The following RBM23 variants were observed in gnomAD, a reference collection of about 807,000 sequenced individuals.
RBM23 encodes the protein probable RNA-binding protein 23.
A neutral mutation model predicts 56.2 loss-of-function variants in RBM23; 53 were observed. The observed-to-expected ratio is 0.94, with a 90% CI of 0.76 to 1.19. The LOEUF is 1.19. Among genes scored for constraint, RBM23 ranks in the 50% most tolerant of loss-of-function variants. The pLI is 0.00. For missense variants in RBM23, 642 were observed against 590.3 expected (o/e 1.09, Z -0.91); for synonymous variants, 197 against 198.5 (o/e 0.99, Z 0.06).
In RBM23 at chr14:22,893,406, C is replaced by T. The variant is rs574290873; in HGVS notation, c.*8324G>A. The T allele has an allele frequency of 1.1e-4, 16 of 152,230 alleles. No individual in the cohort carries two copies. The highest frequency in any genetic ancestry group is 2.9e-4 in the African/African-American group (12 of 41,540). The allele number at this position is 152,230 out of a possible 1,614,324, so 9.4% of individuals were successfully genotyped here. A position where few individuals can be genotyped will look rare whatever the true frequency, so the allele number is the denominator to read the frequency against. Reference sequence around the variant, plus strand: ...ATACAAATAAGACACAATTTCTGCCCGTCAAATAGCTTGCAATTAAGCTGG... The same window carrying T: ...ATACAAATAAGACACAATTTCTGCCTGTCAAATAGCTTGCAATTAAGCTGG... On this transcript the variant is annotated 3_prime_UTR_variant, in exon 14 of 14. Transcript: ENST00000359890.
intron 5 of RBM23, 57 bp downstream of exon 5, chr14:22,906,138 T>C (rs1266961133): frequency 1.6e-5 from 26 of 1,586,918 alleles, no homozygotes; most frequent in Non-Finnish European, 2.2e-5. Flanking sequence ...TCATAGTGCA[T>C]TTGTTGTTTT....
Position 22,902,756 on chromosome 14 carries a change from C to CCTTTTTT in RBM23, c.931-375_931-374insAAAAAAG, listed in dbSNP as rs1555336814. The CCTTTTTT allele has an allele frequency of 1.1e-4, 49 of 460,878 alleles. 20 individuals carry two copies. The East Asian group carries it at 1.6e-3, about 15-fold the overall frequency. 28.5% of individuals were successfully genotyped at this position (460,878 alleles called of 1,614,324 possible). On this transcript the variant is annotated intron_variant, in intron 10 of 13. Transcript: ENST00000359890. ...GTTCTCTATCCTAGTAAGTTTTAGT[C>CCTTTTTT]TTTTTTTTTTTTTTTTTTTTTTTTT...
rs376713891 is a variant in RBM23 at position 22,911,330 on chromosome 14, C to G, written c.64G>C (p.Glu22Gln). Residue 22 changes from glutamate (E) to glutamine (Q), a missense_variant and splice_region_variant, in exon 2 of 14, where the codon GAG becomes CAG. Glu to Gln is a conservative substitution (Grantham distance 29). Coordinates refer to ENST00000359890, the MANE Select transcript of RBM23 (RefSeq NM_001077351.2). ...AGGAGTGAGGTGGAAAATATTACCT[C>G]TTCTTTTTTATAGGGAGCTTCCAGC... The part of the protein sequence containing the change: ...AMLEAPYKKE[E>Q]DEQQRKEVKK... The G allele has an allele frequency of 7.2e-5, 116 of 1,613,500 alleles. 1 individual carries two copies. In the African/African-American group the frequency reaches 1.5e-3, roughly 20 times the overall value.
In RBM23 at chr14:22,911,420, A is replaced by G; in HGVS notation, c.-10-17T>C. ...CTGTCAGATCTGGGGAGAGGATATTAATATGTAAGAATCTGTTTTATATTT... is the reference window on the plus strand; with the variant it reads ...CTGTCAGATCTGGGGAGAGGATATTGATATGTAAGAATCTGTTTTATATTT... On this transcript the variant is annotated splice_polypyrimidine_tract_variant and intron_variant, in intron 1 of 13. Transcript: ENST00000359890. 6.3e-7 allele frequency: 1 copy of G among 1,593,312 alleles called. No homozygotes were observed. The highest frequency in any genetic ancestry group is 8.6e-7 in the Non-Finnish European group (1 of 1,163,058).
intron 1 of RBM23, among the ~76,000 whole-genome samples, chr14:22,916,307 A>C (rs1301011723): frequency 1.3e-5 from 2 of 149,248 alleles, no homozygotes; most frequent in Non-Finnish European, 1.5e-5. Flanking sequence ...CCCAAGCTGG[A>C]GTGTAATGTT....
At position 22,901,704 on chromosome 14, in the gene RBM23, A is replaced by C. The variant is rs1373920916; in HGVS notation, c.*26T>G. The C allele has an allele frequency of 2.5e-6, 4 of 1,610,580 alleles. No individual in the cohort carries two copies. The Admixed American group carries it at 6.7e-5, about 27-fold the overall frequency. ...TGAAGTGGCAGGATCCAGAGGCACA[A>C]GGAGGCAGTATACTGTGCCACTGAT... is the stretch of plus-strand genomic sequence containing the variant. On this transcript the variant is annotated 3_prime_UTR_variant, in exon 14 of 14. Transcript: ENST00000359890.
chr14:22,906,437 A>T, intron 4 of RBM23, 69 bp from the exon 5 acceptor site: 2 of 1,554,630 alleles, frequency 1.3e-6, no homozygotes, highest in Non-Finnish European at 1.8e-6. Context: ...CATATACAAC[A>T]GTGGTCCCAT....
intron 2 of RBM23, 87 bp from the exon 3 acceptor site, chr14:22,909,682 G>A (rs1345060391): frequency 1.0e-6 from 1 of 981,192 alleles, no homozygotes; most frequent in African/African-American, 1.6e-5. Flanking sequence ...GGTGGACAAG[G>A]AATAAATCAA....
In RBM23 at chr14:22,906,177, A is replaced by C; in HGVS notation, c.401+18T>G. On this transcript the variant is annotated intron_variant, in intron 5 of 13. Coordinates refer to ENST00000359890, the MANE Select transcript of RBM23 (RefSeq NM_001077351.2). ...CAGATTATTATACAAAAGTGAATCTATTAGCAAAAAGTGATACCCAGTGGC... is the reference window on the plus strand; with the variant it reads ...CAGATTATTATACAAAAGTGAATCTCTTAGCAAAAAGTGATACCCAGTGGC... 2.5e-6 allele frequency: 4 copies of C among 1,612,804 alleles called. No individual in the cohort carries two copies. Among genetic ancestry groups the C allele is most frequent in the Non-Finnish European group, 3.4e-6 (4 of 1,178,888 alleles).
At chr14:22,905,845 C>CTT (rs751185800) in intron 5 of RBM23, 186 bp from the exon 6 acceptor site, 1 of 610,814 alleles carries the variant, frequency 1.6e-6, no homozygotes, top group Non-Finnish European at 2.9e-6. Flanking sequence ...GCCTCCCAGG[C>CTT]TCAAGCAATC....
Position 22,899,102 on chromosome 14 carries a change from A to G in RBM23, c.*2628T>C, listed in dbSNP as rs529387660. 5.9e-5 allele frequency: 9 copies of G among 152,322 alleles called. No homozygotes were observed. Among genetic ancestry groups the G allele is most frequent in the African/African-American group, 2.2e-4 (9 of 41,554 alleles). 9.4% of individuals were successfully genotyped at this position (152,322 alleles called of 1,614,324 possible). On this transcript the variant is annotated 3_prime_UTR_variant, in exon 14 of 14. Transcript: ENST00000359890. Reference sequence around the variant, plus strand: ...TGCTGTGGTTTGAATGTGTCCCCCAAAAGTTCACATTGGAAATTTGACTCC... The same window carrying G: ...TGCTGTGGTTTGAATGTGTCCCCCAGAAGTTCACATTGGAAATTTGACTCC...
chr14:22,905,973 T>C (rs2041471858), intron 5 of RBM23: 2 of 625,856 alleles, frequency 3.2e-6, no homozygotes, highest in Admixed American at 6.0e-5. Flanking sequence ...TGGTCTTGAA[T>C]TCCTGAGCCC....
chr14:22,918,256 G>T (rs3829408), intron 1 of RBM23, among the ~76,000 whole-genome samples: 2 of 152,158 alleles, frequency 1.3e-5, no homozygotes, highest in East Asian at 3.9e-4. Flanking sequence ...TTAGCCGGGC[G>T]TTGTGGCAGG....
rs72681969 is a variant in RBM23 at position 22,906,355 on chromosome 14, G to A, written c.241C>T (p.Arg81Trp). The change falls in exon 5 of 14, where the codon CGG becomes TGG. Residue 81 changes from arginine (R) to tryptophan (W), a missense_variant. Physicochemically the swap from Arg to Trp is moderately radical, Grantham distance 101. Transcript: ENST00000359890. ...RDRKRSRSRD[R>W]DRYRRRNSRS... ...CTATTTCTCCGTCTATACCGATCCC[G>A]ATCTCGACTACGACTACAGAGGGAA... 0.036 allele frequency: 58,593 copies of A among 1,613,976 alleles called. 1,275 individuals are homozygous for A. Among genetic ancestry groups the A allele is most frequent in the Middle Eastern group, 0.048 (293 of 6,060 alleles).
At chr14:22,917,153 C>T (rs1000989238) in intron 1 of RBM23, 1 of 152,158 alleles carries the variant, frequency 6.6e-6, no homozygotes. Context: ...CAGACATGAG[C>T]CACCGAGCCC....
chr14:22,910,690 A>G (rs2042361454), intron 2 of RBM23, among the ~76,000 whole-genome samples: 1 of 151,934 alleles, frequency 6.6e-6, no homozygotes, highest in African/African-American at 2.4e-5. Flanking sequence ...GCAACATAGC[A>G]AGACCCTGTC....
rs1437152685 is a variant in RBM23, at chr14:22,893,476, C to T, written c.*8254G>A. ...CAGCACAAAACAGGCAAAATAGCAG[C>T]AAACAATACCACATTCTATCTAACT... On this transcript the variant is annotated 3_prime_UTR_variant, in exon 14 of 14. Coordinates refer to ENST00000359890, the MANE Select transcript of RBM23 (RefSeq NM_001077351.2). 1 of 152,194 alleles carries T rather than the reference C, an allele frequency of 6.6e-6. No individual in the cohort carries two copies. The highest frequency in any genetic ancestry group is 1.5e-5 in the Non-Finnish European group (1 of 68,036). The allele number at this position is 152,194 out of a possible 1,614,324, so 9.4% of individuals were successfully genotyped here. A position where few individuals can be genotyped will look rare whatever the true frequency, so the allele number is the denominator to read the frequency against.
intron 1 of RBM23, among the ~76,000 whole-genome samples, chr14:22,915,496 CTTTT>C (rs71115587): frequency 6.5e-4 from 80 of 124,000 alleles, no homozygotes; most frequent in Non-Finnish European, 1.1e-3. Flanking sequence ...CCATGCCTGG[CTTTT>C]TTTTTTTTTT....
At chr14:22,916,798 G>A (rs941491591) in intron 1 of RBM23, among the ~76,000 whole-genome samples, 1 of 152,020 alleles carries the variant, frequency 6.6e-6, no homozygotes, top group Non-Finnish European at 1.5e-5. Flanking sequence ...CTATATCTGA[G>A]GCATGTACAG....
Sources: allele counts gnomAD v4.1 joint callset (sites outside exome capture counted in the v4.1 genomes callset), GRCh38; gene constraint gnomAD v4.1.1; transcripts MANE v1.5; gene names NCBI Gene and HGNC (gene_info 2026-07-23, HGNC 2026-07-21).